The following SH3GL3 variants were observed in gnomAD, a reference collection of about 807,000 sequenced individuals.
The protein encoded by SH3GL3 is endophilin-A3.
SH3GL3 carries 33 observed loss-of-function variants against 47.7 expected under a neutral mutation model. The observed-to-expected ratio is 0.69, with a 90% confidence interval of 0.52 to 0.92. The LOEUF is 0.92. SH3GL3 is among the 40% of genes least tolerant of loss of function. The pLI, the probability that SH3GL3 is intolerant of heterozygous loss-of-function variation, is 0.00. For missense variants in SH3GL3, 363 were observed against 417.8 expected, an observed-to-expected ratio of 0.87 and a Z score of 1.14; for synonymous variants, 155 against 148.8, an observed-to-expected ratio of 1.04 and a Z score of -0.30.
chr15:83,490,822 G>T, intron 1 of SH3GL3: 2 of 1,614,098 alleles, frequency 1.2e-6, no homozygotes, highest in Non-Finnish European at 1.7e-6. Flanking sequence ...TCTTAAATCA[G>T]AAGATGAATG....
chr15:83,513,793 A>G (rs1185228229), intron 1 of SH3GL3, among the ~76,000 whole-genome samples: 3 of 152,238 alleles, frequency 2.0e-5, no homozygotes, highest in African/African-American at 4.8e-5. Context: ...CAACCTGAGC[A>G]GAAAATCATA....
intron 6 of SH3GL3, among the ~76,000 whole-genome samples, chr15:83,579,104 G>T (rs1382303368): frequency 1.3e-5 from 2 of 152,170 alleles, no homozygotes; most frequent in Non-Finnish European, 2.9e-5. Flanking sequence ...AGTCAAAAAG[G>T]ATCCCTTCAT....
At chr15:83,551,456 G>T (rs1348889004) in intron 1 of SH3GL3, among the ~76,000 whole-genome samples, 1 of 152,180 alleles carries the variant, frequency 6.6e-6, no homozygotes, top group African/African-American at 2.4e-5. Context: ...GCTGAAGAAG[G>T]TAATTAAGAG....
At chr15:83,478,736 C>T (rs1406959467) in intron 1 of SH3GL3, among the ~76,000 whole-genome samples, 2 of 152,190 alleles carry the variant, frequency 1.3e-5, no homozygotes, top group Non-Finnish European at 2.9e-5. Flanking sequence ...AAGCCTCACT[C>T]TCCTCTTCCG....
intron 1 of SH3GL3, among the ~76,000 whole-genome samples, chr15:83,486,512 T>G (rs972791562): frequency 6.6e-6 from 1 of 152,236 alleles, no homozygotes; most frequent in Non-Finnish European, 1.5e-5. Context: ...CTTTTGTGTT[T>G]TGCTTCTTTT....
intron 8 of SH3GL3, among the ~76,000 whole-genome samples, chr15:83,605,331 C>G (rs904237252): frequency 1.3e-5 from 2 of 152,112 alleles, no homozygotes; most frequent in African/African-American, 4.8e-5. Flanking sequence ...AAAGGGGGTC[C>G]TGTACTGTTT....
At chr15:83,577,885 G>A (rs914509262) in intron 6 of SH3GL3, among the ~76,000 whole-genome samples, 1 of 152,252 alleles carries the variant, frequency 6.6e-6, no homozygotes, top group Non-Finnish European at 1.5e-5. Flanking sequence ...TGGCAAGGCA[G>A]ATGGTTAAGG....
intron 1 of SH3GL3, among the ~76,000 whole-genome samples, chr15:83,541,113 G>T (rs1418258801): frequency 6.6e-6 from 1 of 152,012 alleles, no homozygotes; most frequent in African/African-American, 2.4e-5. Flanking sequence ...GCAAATGACA[G>T]GATCTCATTC....
At chr15:83,542,574 T>G (rs1380659201) in intron 1 of SH3GL3, among the ~76,000 whole-genome samples, 1 of 152,212 alleles carries the variant, frequency 6.6e-6, no homozygotes, top group Non-Finnish European at 1.5e-5. Context: ...TATGAAATTT[T>G]AACAATATTG....
At chr15:83,566,259 G>T (rs1226891938) in intron 3 of SH3GL3, among the ~76,000 whole-genome samples, 1 of 152,062 alleles carries the variant, frequency 6.6e-6, no homozygotes, top group Non-Finnish European at 1.5e-5. Flanking sequence ...AGAAGAGGCA[G>T]CCCTAGCAAC....
intron 1 of SH3GL3, among the ~76,000 whole-genome samples, chr15:83,478,980 C>G (rs907666188): frequency 9.9e-5 from 15 of 152,240 alleles, no homozygotes; most frequent in African/African-American, 3.1e-4. Flanking sequence ...GAAATGTCCT[C>G]TTTCTACTCT....
chr15:83,594,329 G>A (rs1183086283), intron 8 of SH3GL3, among the ~76,000 whole-genome samples: 1 of 152,154 alleles, frequency 6.6e-6, no homozygotes, highest in Non-Finnish European at 1.5e-5. Context: ...TAAACTCTTT[G>A]TGGGAAAGTT....
chr15:83,626,021 C>T, the SH3GL3 span, among the ~76,000 whole-genome samples: 1 of 152,204 alleles, frequency 6.6e-6, no homozygotes, highest in Non-Finnish European at 1.5e-5. Flanking sequence ...TTAGTAGAGA[C>T]GGGGTTTCGC....
chr15:83,520,040 G>C (rs1412306408), intron 1 of SH3GL3, among the ~76,000 whole-genome samples: 2 of 152,192 alleles, frequency 1.3e-5, no homozygotes, highest in African/African-American at 4.8e-5. Context: ...CTTTGCCAGA[G>C]TATCGGCATC....
At chr15:83,520,588 T>G (rs2151650293) in intron 1 of SH3GL3, among the ~76,000 whole-genome samples, 1 of 152,312 alleles carries the variant, frequency 6.6e-6, no homozygotes, top group East Asian at 1.9e-4. Flanking sequence ...GGGTACAGAC[T>G]GAGCTACATG....
chr15:83,491,063 A>G lies in SH3GL3; in HGVS notation c.45+43485A>G, dbSNP rs192250094. 2.0e-5 allele frequency among the ~76,000 whole-genome samples: 3 copies of G among 152,178 alleles called. No homozygotes were observed. In the East Asian group the frequency reaches 5.8e-4, roughly 29 times the overall value. On this transcript the variant is annotated intron_variant, in intron 1 of 8. Transcript: ENST00000427482. The stretch of plus-strand genomic sequence containing the variant: ...AAGGAGTGATGATTGACAAAGACCT[A>G]AGGTCTAATGTCTAATGTGTGCTGG...
At chr15:83,605,708 A>G (rs931437791) in intron 8 of SH3GL3, among the ~76,000 whole-genome samples, 11 of 152,212 alleles carry the variant, frequency 7.2e-5, no homozygotes, top group Non-Finnish European at 1.2e-4. Flanking sequence ...TTGAAATGAC[A>G]GATTGCAGAC....
At chr15:83,617,643 T>C (rs925177930) in intron 8 of SH3GL3, among the ~76,000 whole-genome samples, 1 of 152,114 alleles carries the variant, frequency 6.6e-6, no homozygotes, top group East Asian at 1.9e-4. Flanking sequence ...ACCATTGCAC[T>C]CCAGCCTGGG....
At chr15:83,616,251 CTT>C (rs10661412) in intron 8 of SH3GL3, among the ~76,000 whole-genome samples, 5 of 114,178 alleles carry the variant, frequency 4.4e-5, no homozygotes, top group Admixed American at 1.0e-4. Context: ...ATTGTGATTG[CTT>C]TTTTTTTTTT....
Sources: gnomAD v4.1 joint callset for allele counts (sites outside exome capture counted in the v4.1 genomes callset) on GRCh38, gnomAD v4.1.1 for gene constraint, MANE v1.5 for transcripts, NCBI Gene and HGNC (gene_info 2026-07-23, HGNC 2026-07-21) for gene names.